The following CAVIN4 variants were observed in gnomAD, a reference collection of about 807,000 sequenced individuals.
The protein encoded by CAVIN4 is caveolae-associated protein 4.
CAVIN4 carries 10 observed loss-of-function variants against 18.6 expected under a neutral mutation model. The observed-to-expected ratio is 0.54, with a 90% CI of 0.33 to 0.91. The LOEUF is 0.91. Among genes scored for constraint, CAVIN4 ranks in the 40% least tolerant of loss-of-function variants. CAVIN4 has a pLI of 0.02. For missense variants in CAVIN4, 459 were observed against 440.5 expected, an observed-to-expected ratio of 1.04 and a Z score of -0.38; for synonymous variants, 173 against 164.8, an observed-to-expected ratio of 1.05 and a Z score of -0.38.
At chr9:100,577,997 A>C, upstream of CAVIN4, 1 of 700,884 alleles carries the variant, frequency 1.4e-6, no homozygotes, top group Non-Finnish European at 2.4e-6. Context: ...ACATATGGGT[A>C]TTTGTAGTTA....
Position 100,588,123 on chromosome 9 carries a change from C to T in CAVIN4, c.*1672C>T, listed in dbSNP as rs918839260. Among the ~76,000 whole-genome samples, 2 of 152,108 alleles carry T rather than the reference C, an allele frequency of 1.3e-5. No individual in the cohort carries two copies. The highest frequency in any genetic ancestry group is 1.9e-4 in the East Asian group (1 of 5,196). On this transcript the variant is annotated 3_prime_UTR_variant, in exon 2 of 2. Coordinates refer to ENST00000307584, the MANE Select transcript of CAVIN4 (RefSeq NM_001018116.2). ...CATATACACACAGGCATACATAAATCGGCTTTAAAATATTTGACTCAGTTA... is the reference window on the plus strand; with the variant it reads ...CATATACACACAGGCATACATAAATTGGCTTTAAAATATTTGACTCAGTTA...
chr9:100,578,028 A>G (rs1209277756), upstream of CAVIN4: 2 of 954,698 alleles, frequency 2.1e-6, no homozygotes, highest in Non-Finnish European at 3.3e-6. Context: ...ACCGTTCTCT[A>G]GGGGTGGGGT....
intron 1 of CAVIN4, chr9:100,581,282 G>A (rs1839424257): frequency 1.3e-5 from 2 of 152,404 alleles, no homozygotes; most frequent in Non-Finnish European, 2.9e-5. Context: ...GGAGCGGTGA[G>A]GGAGGAAGGG....
chr9:100,582,404 G>A (rs1016640744), intron 1 of CAVIN4, among the ~76,000 whole-genome samples: 2 of 151,798 alleles, frequency 1.3e-5, no homozygotes, highest in East Asian at 3.9e-4. Context: ...AGAGTTCTAC[G>A]GTGCAATCAT....
At chr9:100,582,336 T>TTTTCTCTC (rs1554691030) in intron 1 of CAVIN4, among the ~76,000 whole-genome samples, 1 of 145,542 alleles carries the variant, frequency 6.9e-6, no homozygotes, top group Non-Finnish European at 1.5e-5. Context: ...TTGGACCTCT[T>TTTTCTCTC]TCTCTCTCTC....
At position 100,578,545 on chromosome 9, in the gene CAVIN4, A is replaced by G. The variant is rs2118599440; in HGVS notation, c.402A>G (p.Ile134Met). 1 of 1,612,964 alleles carries G rather than the reference A, an allele frequency of 6.2e-7. No individual in the cohort carries two copies. Among genetic ancestry groups the G allele is most frequent in the Non-Finnish European group, 8.5e-7 (1 of 1,179,886 alleles). Residue 134 changes from isoleucine (I) to methionine (M), a missense_variant, in exon 1 of 2, where the codon ATA (isoleucine) becomes ATG (methionine). Ile to Met is a conservative substitution (Grantham distance 10). Coordinates refer to ENST00000307584, the MANE Select transcript of CAVIN4 (RefSeq NM_001018116.2). Reference protein sequence around the residue: ...IMKKNKFRVVIFQEKFRCPTS... With the variant: ...IMKKNKFRVVMFQEKFRCPTS... ...AGAAAAACAAATTCCGCGTGGTAATATTCCAGGTAAGCTTGCACTTGTGTT... is the reference window on the plus strand; with the variant it reads ...AGAAAAACAAATTCCGCGTGGTAATGTTCCAGGTAAGCTTGCACTTGTGTT...
intron 1 of CAVIN4, among the ~76,000 whole-genome samples, chr9:100,585,292 G>C (rs1257429608): frequency 1.3e-5 from 2 of 151,942 alleles, no homozygotes; most frequent in East Asian, 3.9e-4. Flanking sequence ...GAGAAGGAGA[G>C]GAAATATTTG....
chr9:100,580,275 T>C (rs1458120727), intron 1 of CAVIN4, among the ~76,000 whole-genome samples: 1 of 151,940 alleles, frequency 6.6e-6, no homozygotes, highest in Admixed American at 6.6e-5. Context: ...GCGTGGGTGA[T>C]AGTGAGACCC....
chr9:100,582,532 G>C (rs969677528), intron 1 of CAVIN4, among the ~76,000 whole-genome samples: 2 of 152,136 alleles, frequency 1.3e-5, no homozygotes, highest in Admixed American at 1.3e-4. Context: ...TTTTCGTGGA[G>C]GTCTCACTTT....
In CAVIN4 at chr9:100,585,976, T is replaced by C; in HGVS notation, c.620T>C (p.Met207Thr). The C allele has an allele frequency of 1.2e-6, 2 of 1,614,058 alleles. No homozygotes were observed. Among genetic ancestry groups the C allele is most frequent in the East Asian group, 2.2e-5 (1 of 44,874 alleles). Residue 207 changes from methionine (M) to threonine (T), a missense_variant, in exon 2 of 2, where the codon ATG becomes ACG. Met to Thr is a moderately conservative substitution (Grantham distance 81). Coordinates refer to ENST00000307584, the MANE Select transcript of CAVIN4 (RefSeq NM_001018116.2). The stretch of plus-strand genomic sequence containing the variant: ...AAGAAGGCATTTTCCAAAGAAAACA[T>C]GCAGAAGACACGGCAGAATCTTGAC... ...NIKKAFSKEN[M>T]QKTRQNLDKK...
upstream of CAVIN4, chr9:100,577,983 A>G: frequency 3.1e-6 from 2 of 644,388 alleles, no homozygotes; most frequent in Non-Finnish European, 5.4e-6. Context: ...ATTGCAGAAC[A>G]GTCACATATG....
rs1283062118 is a variant in CAVIN4 at position 100,578,378 on chromosome 9, C to A, written c.235C>A (p.His79Asn). 6.2e-7 allele frequency: 1 copy of A among 1,614,080 alleles called. No homozygotes were observed. Among genetic ancestry groups the A allele is most frequent in the Non-Finnish European group, 8.5e-7 (1 of 1,179,984 alleles). The change falls in exon 1 of 2, where the codon CAT (histidine) becomes AAT (asparagine). Residue 79 changes from histidine to asparagine, a missense_variant. Transcript: ENST00000307584. ...QIDLLKLSQS[H>N]SNTGHIINKL... ...TGACCTGTTGAAGCTTTCACAGTCG[C>A]ATAGCAATACAGGGCATATCATTAA...
rs937130678 is a variant in CAVIN4 at position 100,578,327 on chromosome 9, G to A, written c.184G>A (p.Glu62Lys). The part of the protein sequence containing the change: ...KRIEERHREM[E>K]NAIKSVQIDL... ...AATAGAAGAGAGACACAGGGAAATGGAAAATGCCATAAAATCCGTCCAGAT... is the reference window on the plus strand; with the variant it reads ...AATAGAAGAGAGACACAGGGAAATGAAAAATGCCATAAAATCCGTCCAGAT... Residue 62 changes from glutamate (E) to lysine (K), a missense_variant, in exon 1 of 2, where the codon GAA becomes AAA. Physicochemically the swap from Glu to Lys is moderately conservative, Grantham distance 56 (BLOSUM62 1). Coordinates refer to ENST00000307584, the MANE Select transcript of CAVIN4 (RefSeq NM_001018116.2). 4 of 1,613,916 alleles carry A rather than the reference G, an allele frequency of 2.5e-6. No individual in the cohort carries two copies. The African/African-American group carries it at 5.3e-5, about 22-fold the overall frequency.
Position 100,587,327 on chromosome 9 carries a change from G to A in CAVIN4, c.*876G>A, listed in dbSNP as rs544849874. 9.2e-5 allele frequency: 14 copies of A among 152,332 alleles called. No homozygotes were observed. In the South Asian group the frequency reaches 2.9e-3, roughly 32 times the overall value. 9.4% of individuals were successfully genotyped at this position (152,332 alleles called of 1,614,324 possible). A position where few individuals can be genotyped will look rare whatever the true frequency, so the allele number is the denominator to read the frequency against. On this transcript the variant is annotated 3_prime_UTR_variant, in exon 2 of 2. Transcript: ENST00000307584. ...CCCTTTCTAATTTCCTTTTGATTAAGATCTTTGGTGGACTATAGCACTAAA... is the reference window on the plus strand; with the variant it reads ...CCCTTTCTAATTTCCTTTTGATTAAAATCTTTGGTGGACTATAGCACTAAA...
rs996482900 is a variant in CAVIN4 at position 100,587,473 on chromosome 9, G to C, written c.*1022G>C. The C allele has an allele frequency of 4.6e-5, 7 of 152,206 alleles. No individual in the cohort carries two copies. Among genetic ancestry groups the C allele is most frequent in the African/African-American group, 1.2e-4 (5 of 41,444 alleles). The allele number at this position is 152,206 out of a possible 1,614,324, so 9.4% of individuals were successfully genotyped here. ...TCCTGAGTGTACCCTTCAGGGTCCA[G>C]CTGTCCAAAACAGTGTTGATAGGAG... On this transcript the variant is annotated 3_prime_UTR_variant, in exon 2 of 2. Transcript: ENST00000307584.
rs1450060326 is a variant in CAVIN4, at chr9:100,578,581, G to C, written c.408+30G>C. 5 of 1,610,616 alleles carry C rather than the reference G, an allele frequency of 3.1e-6. No individual in the cohort carries two copies. In the African/African-American group the frequency reaches 5.3e-5, roughly 17 times the overall value. On this transcript the variant is annotated intron_variant, in intron 1 of 1. Coordinates refer to ENST00000307584, the MANE Select transcript of CAVIN4 (RefSeq NM_001018116.2). Reference sequence around the variant, plus strand: ...GCTTGCACTTGTGTTCAGCTTGCTTGTTCTAATCTCTTGCATCTTTTAATT... The same window carrying C: ...GCTTGCACTTGTGTTCAGCTTGCTTCTTCTAATCTCTTGCATCTTTTAATT...
In CAVIN4 at chr9:100,586,314, G is replaced by A. The variant is rs957720883; in HGVS notation, c.958G>A (p.Glu320Lys). 23 of 1,613,784 alleles carry A rather than the reference G, an allele frequency of 1.4e-5. No individual in the cohort carries two copies. Among genetic ancestry groups the A allele is most frequent in the African/African-American group, 4.0e-5 (3 of 74,984 alleles). Residue 320 changes from glutamate (E) to lysine (K), a missense_variant, in exon 2 of 2, where the codon GAG (glutamate) becomes AAG (lysine). Glu to Lys is a moderately conservative substitution (Grantham distance 56). Coordinates refer to ENST00000307584, the MANE Select transcript of CAVIN4 (RefSeq NM_001018116.2). ...TGATGAGCTCAGTGAACCAGAACAC[G>A]AGGCAGCCAGGCCGGTGTATCCTCC... is the stretch of plus-strand genomic sequence containing the variant. Reference protein sequence around the residue: ...YSDELSEPEHEAARPVYPPHE... With the variant: ...YSDELSEPEHKAARPVYPPHE...
rs772947291 is a variant in CAVIN4 at position 100,586,435 on chromosome 9, T to G, written c.1079T>G (p.Leu360Ter). ...VEDDESLLLD[L>*]KHSS ...GATGATGAATCTCTTTTGTTAGATT[T>G]AAAGCACTCATCGTAAAGAGGAATT... Residue 360 changes from leucine to a stop codon, truncating the protein, a stop_gained, in exon 2 of 2, where the codon TTA becomes TGA. Coordinates refer to ENST00000307584, the MANE Select transcript of CAVIN4 (RefSeq NM_001018116.2). LOFTEE classifies it high-confidence loss of function. The G allele has an allele frequency of 1.2e-6, 2 of 1,613,370 alleles. No homozygotes were observed. The highest frequency in any genetic ancestry group is 1.7e-6 in the Non-Finnish European group (2 of 1,179,836).
rs1189878508 is a variant in CAVIN4 at position 100,586,426 on chromosome 9, T to C, written c.1070T>C (p.Leu357Ser). 2.5e-6 allele frequency: 4 copies of C among 1,613,722 alleles called. No homozygotes were observed. Among genetic ancestry groups the C allele is most frequent in the Non-Finnish European group, 3.4e-6 (4 of 1,180,018 alleles). ...QVKVEDDESLLLDLKHSS is the reference protein window; with the variant it reads ...QVKVEDDESLSLDLKHSS ...AAAGTAGAGGATGATGAATCTCTTT[T>C]GTTAGATTTAAAGCACTCATCGTAA... Residue 357 changes from leucine (L) to serine (S), a missense_variant, in exon 2 of 2, where the codon TTG becomes TCG. Leu to Ser is a moderately radical substitution (Grantham distance 145). Transcript: ENST00000307584.
Sources: allele counts gnomAD v4.1 joint callset (sites outside exome capture counted in the v4.1 genomes callset), GRCh38; gene constraint gnomAD v4.1.1; transcripts MANE v1.5; gene names NCBI Gene and HGNC (gene_info 2026-07-23, HGNC 2026-07-21).